XKR9: variants seen among roughly 807,000 people sequenced by gnomAD.
XKR9 encodes the protein XK related 9.
XKR9 carries 32 observed loss-of-function variants against 32.0 expected under a neutral mutation model. The observed-to-expected ratio is 1.00, with a 90% CI of 0.76 to 1.34. The LOEUF is 1.34. XKR9 is among the 40% of genes most tolerant of loss of function. The pLI is 0.00. For missense variants in XKR9, 546 were observed against 429.7 expected (o/e 1.27, Z -2.39); for synonymous variants, 168 against 143.4 (o/e 1.17, Z -1.22).
chr8:70,932,615 G>C, the XKR9 span, among the ~76,000 whole-genome samples: 1 of 152,294 alleles, frequency 6.6e-6, no homozygotes, highest in African/African-American at 2.4e-5. Flanking sequence ...TGCTTAAACA[G>C]CAGAAGCTGG....
chr8:70,756,477 T>C (rs1654159452), intron 2 of XKR9, among the ~76,000 whole-genome samples: 2 of 152,222 alleles, frequency 1.3e-5, no homozygotes, highest in Non-Finnish European at 2.9e-5. Flanking sequence ...TAAGCAGTGT[T>C]GAATATTTTG....
chr8:70,961,707 A>G, the XKR9 span, among the ~76,000 whole-genome samples: 2 of 152,122 alleles, frequency 1.3e-5, no homozygotes, highest in Non-Finnish European at 2.9e-5. Context: ...TATTTTCCTT[A>G]TACTTTTCTC....
chr8:70,738,383 G>A (rs1331955116), downstream of XKR9, among the ~76,000 whole-genome samples: 1 of 148,022 alleles, frequency 6.8e-6, no homozygotes, highest in Non-Finnish European at 1.5e-5. Context: ...AGTCTTGCTA[G>A]CGGTCTATCA....
At chr8:71,007,033 G>A in the XKR9 span, among the ~76,000 whole-genome samples, 2 of 152,130 alleles carry the variant, frequency 1.3e-5, no homozygotes, top group African/African-American at 4.8e-5. Context: ...TAATCAGAGA[G>A]GTTTACTCTG....
At chr8:70,944,674 A>G in the XKR9 span, among the ~76,000 whole-genome samples, 4 of 152,252 alleles carry the variant, frequency 2.6e-5, no homozygotes, top group Non-Finnish European at 4.4e-5. Context: ...AGTTAGCGGC[A>G]GCAAATAAGG....
chr8:70,704,854 T>C (rs1213175887), intron 3 of XKR9, among the ~76,000 whole-genome samples: 1 of 152,190 alleles, frequency 6.6e-6, no homozygotes, highest in African/African-American at 2.4e-5. Context: ...GCAGTATTAA[T>C]CATTTTTTTT....
the XKR9 span, among the ~76,000 whole-genome samples, chr8:71,048,184 T>C: frequency 1.3e-5 from 2 of 152,222 alleles, no homozygotes; most frequent in African/African-American, 4.8e-5. Flanking sequence ...AAAACTGCTA[T>C]GTAAAAGGCC....
the XKR9 span, among the ~76,000 whole-genome samples, chr8:71,035,915 C>T: frequency 6.6e-6 from 1 of 152,130 alleles, no homozygotes; most frequent in African/African-American, 2.4e-5. Context: ...ATGCCCTTAT[C>T]TTTAAAGACA....
the XKR9 span, among the ~76,000 whole-genome samples, chr8:70,826,702 C>G: frequency 1.3e-5 from 2 of 152,068 alleles, no homozygotes; most frequent in African/African-American, 2.4e-5. Flanking sequence ...AGTGTAATAT[C>G]CCTGTACCAT....
chr8:70,794,835 G>T (rs930306837), downstream of XKR9, among the ~76,000 whole-genome samples: 3 of 151,642 alleles, frequency 2.0e-5, no homozygotes, highest in African/African-American at 7.3e-5. Context: ...GTGTGTGTGT[G>T]TGTGTGTGTG....
chr8:70,893,598 T>G, the XKR9 span, among the ~76,000 whole-genome samples: 1 of 152,214 alleles, frequency 6.6e-6, no homozygotes, highest in Non-Finnish European at 1.5e-5. Flanking sequence ...GTGCAGATAC[T>G]TCAGCAGCTG....
the XKR9 span, among the ~76,000 whole-genome samples, chr8:70,807,858 A>G: frequency 3.3e-5 from 5 of 152,090 alleles, no homozygotes; most frequent in Non-Finnish European, 5.9e-5. Flanking sequence ...GATCAACAAG[A>G]CAGAAAATTA....
At chr8:70,719,322 G>A (rs1039150511) in intron 4 of XKR9, among the ~76,000 whole-genome samples, 29 of 152,188 alleles carry the variant, frequency 1.9e-4, no homozygotes, top group African/African-American at 7.0e-4. Context: ...GATCCCATTT[G>A]TCAATTTTGG....
the XKR9 span, among the ~76,000 whole-genome samples, chr8:70,826,930 T>C: frequency 2.0e-5 from 3 of 152,162 alleles, no homozygotes; most frequent in South Asian, 6.2e-4. Flanking sequence ...TTAAAAAAGG[T>C]TAACAAGTGA....
At chr8:70,987,399 T>C in the XKR9 span, among the ~76,000 whole-genome samples, 1 of 152,150 alleles carries the variant, frequency 6.6e-6, no homozygotes, top group Non-Finnish European at 1.5e-5. Context: ...AATACAACTG[T>C]TCGAAATGGG....
intron 4 of XKR9, among the ~76,000 whole-genome samples, chr8:70,712,498 C>T (rs1179001702): frequency 6.6e-6 from 1 of 152,000 alleles, no homozygotes; most frequent in East Asian, 1.9e-4. Flanking sequence ...GGTGAGGAAC[C>T]TCTCTCCCCT....
At chr8:70,726,032 T>C (rs1181459496) in intron 4 of XKR9, among the ~76,000 whole-genome samples, 1 of 152,204 alleles carries the variant, frequency 6.6e-6, no homozygotes. Flanking sequence ...CTTGTTATAA[T>C]GTGTCTGAGC....
chr8:70,848,352 T>C, the XKR9 span, among the ~76,000 whole-genome samples: 1 of 151,938 alleles, frequency 6.6e-6, no homozygotes, highest in Non-Finnish European at 1.5e-5. Context: ...TCATATTGAA[T>C]GGGGAATAAT....
chr8:70,967,659 G>A, the XKR9 span, among the ~76,000 whole-genome samples: 2,008 of 152,140 alleles, frequency 0.013, 13 homozygotes, highest in Middle Eastern at 0.049. Context: ...GCATTTGCTT[G>A]TCTGTAAAGG....
Sources: gnomAD v4.1 joint callset for allele counts (sites outside exome capture counted in the v4.1 genomes callset) on GRCh38, gnomAD v4.1.1 for gene constraint, MANE v1.5 for transcripts, NCBI Gene and HGNC (gene_info 2026-07-23, HGNC 2026-07-21) for gene names.